UTY: variants seen among roughly 807,000 people sequenced by gnomAD.
UTY encodes the protein histone demethylase UTY.
In UTY, 12 loss-of-function variants were observed where a neutral mutation model predicts 32.5. The ratio of observed to expected loss-of-function variants is 0.37; its 90% CI spans 0.24 to 0.60. The LOEUF is 0.60. Ranked by LOEUF, UTY falls within the 20% of genes least tolerant of loss-of-function variation. The pLI, the probability that UTY is intolerant of heterozygous loss-of-function variation, is 0.69. For missense variants in UTY, 303 were observed against 299.2 expected (o/e 1.01, Z -0.09); for synonymous variants, 131 against 103.4 (o/e 1.27, Z -1.62).
intron 4 of UTY, among the ~76,000 whole-genome samples, chrY:13,421,560 C>A (rs2072547085): frequency 3.0e-5 from 1 of 33,416 alleles, no homozygotes; most frequent in South Asian, 6.8e-4. Flanking sequence ...ACAACAAACA[C>A]ATGGAATCAA....
In UTY at chrY:13,411,081, A is replaced by T; in HGVS notation, c.467T>A (p.Val156Asp). 1 of 394,729 alleles carries T rather than the reference A, an allele frequency of 2.5e-6. No individual in the cohort carries two copies. The highest frequency in any genetic ancestry group is 3.5e-6 in the Non-Finnish European group (1 of 281,880). Residue 156 changes from valine (V) to aspartate (D), a missense_variant, in exon 6 of 30, where the codon GTT becomes GAT. Transcript: ENST00000545955. ...AIKAFQDVLY[V>D]DPSFCRAKEI... is the part of the protein sequence containing the mutation. ...CTTGGCTCGACAAAAGCTGGGGTCAACATAAAGGACATCTTGAAATGCTTT... is the reference window on the plus strand; with the variant it reads ...CTTGGCTCGACAAAAGCTGGGGTCATCATAAAGGACATCTTGAAATGCTTT...
chrY:13,251,192 A>G lies in UTY; in HGVS notation c.4138-5T>C. On this transcript the variant is annotated splice_region_variant and splice_polypyrimidine_tract_variant and intron_variant, in intron 28 of 29. Transcript: ENST00000545955. ...AAGCAGATTAAAAACCTCCACCTATATTAAATAAATAAATAAACAAAAAGT... is the reference window on the plus strand; with the variant it reads ...AAGCAGATTAAAAACCTCCACCTATGTTAAATAAATAAATAAACAAAAAGT... The G allele has an allele frequency of 1.4e-5, 5 of 355,135 alleles. No individual in the cohort carries two copies. The highest frequency in any genetic ancestry group is 2.0e-5 in the Non-Finnish European group (5 of 254,764). The allele number at this position is 355,135 out of a possible 400,897, so 88.6% of individuals were successfully genotyped here. A position where few individuals can be genotyped will look rare whatever the true frequency, so the allele number is the denominator to read the frequency against.
intron 27 of UTY, among the ~76,000 whole-genome samples, chrY:13,273,574 T>G (rs559333837): frequency 3.0e-4 from 10 of 33,115 alleles, no homozygotes; most frequent in African/African-American, 7.0e-4. Flanking sequence ...TATCAATAAG[T>G]TGCAAAAAGT....
chrY:13,421,193 A>T, intron 4 of UTY, among the ~76,000 whole-genome samples: 1 of 33,548 alleles, frequency 3.0e-5, no homozygotes, highest in Non-Finnish European at 7.4e-5. Context: ...CACACCAATC[A>T]GAATGGCTAC....
intron 5 of UTY, among the ~76,000 whole-genome samples, chrY:13,412,765 T>C (rs2071119017): frequency 3.0e-5 from 1 of 33,877 alleles, no homozygotes; most frequent in Non-Finnish European, 7.3e-5. Flanking sequence ...TTTATCTATA[T>C]GCCCAGAGAA....
intron 21 of UTY, among the ~76,000 whole-genome samples, chrY:13,315,190 G>A: frequency 2.9e-5 from 1 of 34,153 alleles, no homozygotes; most frequent in Middle Eastern, 0.014. Context: ...ATAAAAAATA[G>A]TAAAATTATA....
chrY:13,412,240 T>A, intron 5 of UTY, among the ~76,000 whole-genome samples: 1 of 33,692 alleles, frequency 3.0e-5, no homozygotes, highest in African/African-American at 1.2e-4. Flanking sequence ...AAAGTAACAA[T>A]TTAGAATCTT....
intron 8 of UTY, among the ~76,000 whole-genome samples, chrY:13,369,872 T>C: frequency 3.0e-5 from 1 of 33,831 alleles, no homozygotes; most frequent in East Asian, 7.4e-4. Context: ...AATTTGTTAA[T>C]AGATCAAGTA....
At chrY:13,303,835 G>A (rs762973650) in intron 24 of UTY, among the ~76,000 whole-genome samples, 1 of 33,462 alleles carries the variant, frequency 3.0e-5, no homozygotes, top group East Asian at 7.8e-4. Flanking sequence ...AATGTAAGGT[G>A]TTTCAATATC....
intron 1 of UTY, 57 bp from the exon 2 acceptor site, chrY:13,479,374 C>A: frequency 2.6e-6 from 1 of 388,745 alleles, no homozygotes; most frequent in Non-Finnish European, 3.6e-6. Context: ...GTGACTTGCT[C>A]CTTCCCGAGT....
intron 17 of UTY, among the ~76,000 whole-genome samples, chrY:13,341,200 A>T: frequency 3.0e-5 from 1 of 33,427 alleles, no homozygotes; most frequent in Non-Finnish European, 7.4e-5. Flanking sequence ...GACGTAAAGC[A>T]AAAGCTTCAG....
Position 13,450,459 on chromosome Y carries a change from T to C in UTY, c.326-1393A>G. On this transcript the variant is annotated intron_variant, in intron 3 of 29. Transcript: ENST00000545955. Reference sequence around the variant, plus strand: ...CTTGCACAAGCTCCTGTTTTAGGGCTAGGCTAACACCTCAACAGATGTAGG... The same window carrying C: ...CTTGCACAAGCTCCTGTTTTAGGGCCAGGCTAACACCTCAACAGATGTAGG... 8.9e-5 allele frequency among the ~76,000 whole-genome samples: 3 copies of C among 33,532 alleles called. No individual in the cohort carries two copies. In the South Asian group the frequency reaches 2.0e-3, roughly 22 times the overall value. 90.0% of individuals were successfully genotyped at this position (33,532 alleles called of 37,273 possible).
intron 27 of UTY, among the ~76,000 whole-genome samples, chrY:13,263,421 A>C: frequency 1.5e-4 from 5 of 33,782 alleles, no homozygotes; most frequent in African/African-American, 5.7e-4. Context: ...ATTCAATTAA[A>C]GGGCATGGAA....
At chrY:13,460,941 G>T in intron 3 of UTY, among the ~76,000 whole-genome samples, 1 of 32,762 alleles carries the variant, frequency 3.1e-5, no homozygotes. Flanking sequence ...AAAACGAGAT[G>T]TTGTACACGA....
intron 21 of UTY, among the ~76,000 whole-genome samples, chrY:13,307,796 A>G: frequency 3.0e-5 from 1 of 33,506 alleles, no homozygotes; most frequent in Admixed American, 2.7e-4. Flanking sequence ...CAAAGAAAAT[A>G]TACCCATTAA....
At chrY:13,347,868 A>G in intron 17 of UTY, among the ~76,000 whole-genome samples, 1 of 33,488 alleles carries the variant, frequency 3.0e-5, no homozygotes, top group Non-Finnish European at 7.3e-5. Context: ...ATTTCCTGCA[A>G]TAAAATAACT....
chrY:13,382,857 A>G, intron 8 of UTY, among the ~76,000 whole-genome samples: 1 of 33,865 alleles, frequency 3.0e-5, no homozygotes, highest in Admixed American at 2.7e-4. Flanking sequence ...TGAATAGCAC[A>G]CTCCTATTAT....
At chrY:13,454,687 T>C in intron 3 of UTY, among the ~76,000 whole-genome samples, 1 of 32,190 alleles carries the variant, frequency 3.1e-5, no homozygotes, top group Non-Finnish European at 7.6e-5. Context: ...CCTACAATCC[T>C]AGCACTTACG....
At chrY:13,476,423 C>T (rs2079064370) in intron 2 of UTY, among the ~76,000 whole-genome samples, 1 of 31,325 alleles carries the variant, frequency 3.2e-5, no homozygotes, top group African/African-American at 1.2e-4. Context: ...TCTTAAATAT[C>T]ACCTTTCAAA....
Sources: allele counts gnomAD v4.1 joint callset (sites outside exome capture counted in the v4.1 genomes callset), GRCh38; gene constraint gnomAD v4.1.1; transcripts MANE v1.5; gene names NCBI Gene and HGNC (gene_info 2026-07-23, HGNC 2026-07-21).